The following CCDC171 variants were observed in gnomAD, a reference collection of about 807,000 sequenced individuals.
The protein encoded by CCDC171 is coiled-coil domain containing 171.
In CCDC171, 177 loss-of-function variants were observed where a neutral mutation model predicts 168.2. The observed-to-expected ratio is 1.05, with a 90% CI of 0.93 to 1.19. CCDC171 has a LOEUF of 1.19. CCDC171 is among the 50% of genes most tolerant of loss of function. The pLI, the probability that CCDC171 is intolerant of heterozygous loss-of-function variation, is 0.00. For synonymous variants in CCDC171, 687 were observed against 540.8 expected, an observed-to-expected ratio of 1.27 and a Z score of -3.75; for missense variants, 1,991 against 1,539.0, an observed-to-expected ratio of 1.29 and a Z score of -4.91.
chr9:15,699,422 C>T (rs1015516019), intron 11 of CCDC171, among the ~76,000 whole-genome samples: 6 of 152,102 alleles, frequency 3.9e-5, no homozygotes, highest in Non-Finnish European at 7.4e-5. Context: ...GAAGGGGACC[C>T]GAGCGGGTTG....
chr9:16,036,940 C>T (rs1446976402), intron 8 of CCDC171, among the ~76,000 whole-genome samples: 1 of 152,112 alleles, frequency 6.6e-6, no homozygotes, highest in Non-Finnish European at 1.5e-5. Flanking sequence ...ACAAATACTG[C>T]ATGTTTTCAT....
chr9:15,905,889 G>A (rs9695605), intron 24 of CCDC171, among the ~76,000 whole-genome samples: 130,440 of 152,192 alleles, frequency 0.86, 55,972 homozygotes, highest in East Asian at 0.96. Flanking sequence ...AGAATACTAT[G>A]AACACCTCTA....
At chr9:15,847,324 C>T (rs552754363) in intron 22 of CCDC171, among the ~76,000 whole-genome samples, 37 of 152,042 alleles carry the variant, frequency 2.4e-4, no homozygotes, top group African/African-American at 8.9e-4. Context: ...TACAATAAAA[C>T]ATATTGACCA....
At chr9:16,095,758 ACTT>A in the CCDC171 span, among the ~76,000 whole-genome samples, 1 of 151,542 alleles carries the variant, frequency 6.6e-6, no homozygotes, top group Non-Finnish European at 1.5e-5. Context: ...AAGGTACTGA[ACTT>A]CTCTGAGCCT....
At chr9:15,906,539 A>C (rs1257512795) in intron 24 of CCDC171, among the ~76,000 whole-genome samples, 1 of 152,214 alleles carries the variant, frequency 6.6e-6, no homozygotes, top group Admixed American at 6.5e-5. Context: ...AATAAGAGCT[A>C]TCTATGACAA....
intron 11 of CCDC171, among the ~76,000 whole-genome samples, chr9:15,717,753 T>G (rs1201975927): frequency 6.6e-6 from 1 of 151,886 alleles, no homozygotes; most frequent in East Asian, 1.9e-4. Context: ...ATCTACTGCC[T>G]TGAAGTGAAG....
At chr9:15,641,134 A>T (rs2046572307) in intron 7 of CCDC171, among the ~76,000 whole-genome samples, 1 of 152,148 alleles carries the variant, frequency 6.6e-6, no homozygotes, top group Admixed American at 6.5e-5. Context: ...AACATCTATT[A>T]AAGGGAATTA....
intron 6 of CCDC171, among the ~76,000 whole-genome samples, chr9:16,029,838 C>T (rs1223768247): frequency 6.6e-6 from 1 of 152,150 alleles, no homozygotes; most frequent in East Asian, 1.9e-4. Flanking sequence ...ACTAGCTGGA[C>T]CATAGCTCCT....
intron 13 of CCDC171, 37 bp from the exon 14 acceptor site, chr9:15,724,739 G>A: frequency 1.4e-6 from 2 of 1,475,096 alleles, no homozygotes; most frequent in Non-Finnish European, 1.9e-6. Context: ...TTGTTGGCTG[G>A]CCTTTCTACA....
chr9:16,033,073 G>C (rs573110932), intron 6 of CCDC171, among the ~76,000 whole-genome samples: 12 of 152,324 alleles, frequency 7.9e-5, no homozygotes, highest in African/African-American at 2.6e-4. Context: ...CCTGGAAGAG[G>C]ACTGAGGGAA....
chr9:15,832,008 TTTTG>T (rs1044178916), intron 21 of CCDC171, among the ~76,000 whole-genome samples: 12 of 152,218 alleles, frequency 7.9e-5, no homozygotes, highest in South Asian at 2.1e-4. Flanking sequence ...TTTTTGTCTT[TTTTG>T]TTTGTTTGTT....
At chr9:15,571,403 G>C (rs1262484679) in intron 2 of CCDC171, among the ~76,000 whole-genome samples, 1 of 152,090 alleles carries the variant, frequency 6.6e-6, no homozygotes, top group African/African-American at 2.4e-5. Flanking sequence ...TTTCCCATTA[G>C]ACAGTGGTTT....
chr9:15,649,513 A>G (rs946348799), intron 7 of CCDC171, among the ~76,000 whole-genome samples: 6 of 152,230 alleles, frequency 3.9e-5, no homozygotes, highest in African/African-American at 1.4e-4. Flanking sequence ...ACAAAGGGCT[A>G]ATATCCAGAA....
rs534830921 is a variant in CCDC171 at position 16,013,724 on chromosome 9, AT to A, written n.369-6860del. ...ACCACAATAAAGTGAGTCACAGATAATTTTTAATTTCCCAGTGCATATAAAA... is the reference window on the plus strand; with the variant it reads ...ACCACAATAAAGTGAGTCACAGATAATTTTAATTTCCCAGTGCATATAAAA... On this transcript the variant is annotated intron_variant and non_coding_transcript_variant, in intron 3 of 9. Transcript: ENST00000486641. 8.3e-3 allele frequency among the ~76,000 whole-genome samples: 1,256 copies of A among 152,240 alleles called. 17 individuals are homozygous for A. Among genetic ancestry groups the A allele is most frequent in the African/African-American group, 0.029 (1,197 of 41,540 alleles).
Position 15,920,284 on chromosome 9 carries a change from T to A in CCDC171, c.3615T>A (p.Ser1205Arg). ...TATTTCTTAAGGCTATGATTAAAAG[T>A]TTCATGGATGTCTACCAGCTTGCAA... ...EVVACQAMIK[S>R]FMDVYQLAST... is the part of the protein sequence containing the mutation. The change falls in exon 25 of 26, where the codon AGT becomes AGA. Residue 1205 changes from serine (S) to arginine (R), a missense_variant. Coordinates refer to ENST00000380701, the MANE Select transcript of CCDC171 (RefSeq NM_173550.4). 6.3e-7 allele frequency: 1 copy of A among 1,587,376 alleles called. No homozygotes were observed. Among genetic ancestry groups the A allele is most frequent in the Non-Finnish European group, 8.6e-7 (1 of 1,164,198 alleles).
Position 15,779,110 on chromosome 9 carries a change from C to T in CCDC171, c.3041C>T (p.Ala1014Val), listed in dbSNP as rs757105692. 1 of 1,593,200 alleles carries T rather than the reference C, an allele frequency of 6.3e-7. No individual in the cohort carries two copies. The highest frequency in any genetic ancestry group is 8.5e-7 in the Non-Finnish European group (1 of 1,171,986). Residue 1014 changes from alanine (A) to valine (V), a missense_variant, in exon 20 of 26, where the codon GCC becomes GTC. Transcript: ENST00000380701. ...VNEMKKELDK[A>V]QGLQMQLNEF... ...GAAATGAAAAAGGAGCTTGACAAAG[C>T]CCAGGGTCTGCAAATGCAATTAAAT...
At chr9:15,917,272 G>GATCAT (rs1725035420) in intron 24 of CCDC171, among the ~76,000 whole-genome samples, 1 of 151,746 alleles carries the variant, frequency 6.6e-6, no homozygotes, top group Non-Finnish European at 1.5e-5. Flanking sequence ...AGTTTTGAAG[G>GATCAT]AGACTTTTGT....
At chr9:15,689,869 A>G (rs1289995829) in intron 10 of CCDC171, among the ~76,000 whole-genome samples, 1 of 152,250 alleles carries the variant, frequency 6.6e-6, no homozygotes, top group African/African-American at 2.4e-5. Flanking sequence ...TCAATGGACC[A>G]GAATTGAGAA....
chr9:15,670,511 TTGA>T (rs1169277365), intron 9 of CCDC171, among the ~76,000 whole-genome samples: 1 of 152,164 alleles, frequency 6.6e-6, no homozygotes, highest in Non-Finnish European at 1.5e-5. Flanking sequence ...CTTCTGATAT[TTGA>T]TTTCATATTT....
Sources: gnomAD v4.1 joint callset for allele counts (sites outside exome capture counted in the v4.1 genomes callset) on GRCh38, gnomAD v4.1.1 for gene constraint, MANE v1.5 for transcripts, NCBI Gene and HGNC (gene_info 2026-07-23, HGNC 2026-07-21) for gene names.